The following IMMP2L variants were observed in gnomAD, a reference collection of about 807,000 sequenced individuals.
IMMP2L encodes the protein inner mitochondrial membrane peptidase subunit 2.
Under a neutral mutation model 19.3 loss-of-function variants are expected in IMMP2L, and 18 were observed. The ratio of observed to expected loss-of-function variants is 0.93; its 90% CI spans 0.64 to 1.38. The LOEUF is 1.38. Ranked by LOEUF, IMMP2L falls within the 40% of genes most tolerant of loss-of-function variation. The probability of loss-of-function intolerance (pLI) is 0.00; values close to 1 mark genes in which losing one functional copy is unlikely to be tolerated. For synonymous variants in IMMP2L, 76 were observed against 73.0 expected (o/e 1.04, Z -0.21); for missense variants, 233 against 218.2 (o/e 1.07, Z -0.43).
intron 5 of IMMP2L, among the ~76,000 whole-genome samples, chr7:110,704,879 T>C (rs1794542331): frequency 6.6e-6 from 1 of 152,152 alleles, no homozygotes; most frequent in Admixed American, 6.5e-5. Flanking sequence ...ACTTGGCTAC[T>C]TACCCTCATC....
At chr7:110,897,041 C>T (rs907586756) in intron 4 of IMMP2L, among the ~76,000 whole-genome samples, 3 of 152,090 alleles carry the variant, frequency 2.0e-5, no homozygotes, top group Non-Finnish European at 2.9e-5. Flanking sequence ...CATCCAACTC[C>T]TGGCCTCAAG....
chr7:110,981,465 A>G (rs1821289418), intron 3 of IMMP2L, among the ~76,000 whole-genome samples: 1 of 151,810 alleles, frequency 6.6e-6, no homozygotes, highest in African/African-American at 2.4e-5. Flanking sequence ...AATTATAACT[A>G]TACTCCTGGA....
At chr7:111,220,674 C>T (rs1305185330) in intron 3 of IMMP2L, among the ~76,000 whole-genome samples, 1 of 151,722 alleles carries the variant, frequency 6.6e-6, no homozygotes, top group Non-Finnish European at 1.5e-5. Context: ...TATACACACA[C>T]ATATATTTAC....
intron 3 of IMMP2L, among the ~76,000 whole-genome samples, chr7:111,262,680 T>G (rs960486602): frequency 5.9e-5 from 9 of 152,184 alleles, no homozygotes; most frequent in African/African-American, 2.2e-4. Context: ...GATAATATTT[T>G]CAACAGATAG....
At chr7:111,296,925 A>C (rs1404435535) in intron 3 of IMMP2L, among the ~76,000 whole-genome samples, 1 of 152,024 alleles carries the variant, frequency 6.6e-6, no homozygotes, top group Non-Finnish European at 1.5e-5. Flanking sequence ...TGAGTGAAAA[A>C]GCCAACTTCA....
intron 2 of IMMP2L, among the ~76,000 whole-genome samples, chr7:111,493,626 A>C (rs1399988712): frequency 1.3e-5 from 2 of 151,464 alleles, no homozygotes; most frequent in Non-Finnish European, 2.9e-5. Flanking sequence ...AACGGCGTGA[A>C]CCCGGGAGGC....
At chr7:111,524,862 TTC>T (rs1846689251) in intron 1 of IMMP2L, among the ~76,000 whole-genome samples, 1 of 152,128 alleles carries the variant, frequency 6.6e-6, no homozygotes, top group African/African-American at 2.4e-5. Context: ...CCAGTGGATT[TTC>T]TCTTTGCCCC....
At chr7:111,035,972 G>T (rs1365568645) in intron 3 of IMMP2L, among the ~76,000 whole-genome samples, 2 of 152,122 alleles carry the variant, frequency 1.3e-5, no homozygotes, top group Non-Finnish European at 2.9e-5. Context: ...CAAAGTTATT[G>T]TGAGGATTAG....
At chr7:110,738,800 G>T (rs560236589) in intron 5 of IMMP2L, among the ~76,000 whole-genome samples, 40 of 152,294 alleles carry the variant, frequency 2.6e-4, no homozygotes, top group African/African-American at 9.1e-4. Flanking sequence ...GAAAGAATCT[G>T]AAGATCTGTG....
intron 5 of IMMP2L, among the ~76,000 whole-genome samples, chr7:110,776,931 TTG>T (rs1251302317): frequency 1.3e-5 from 2 of 152,008 alleles, no homozygotes; most frequent in Non-Finnish European, 1.5e-5. Context: ...CCCACTGATT[TTG>T]TGTTTCTTTA....
At chr7:111,339,990 C>A (rs1406993739) in intron 3 of IMMP2L, among the ~76,000 whole-genome samples, 1 of 151,908 alleles carries the variant, frequency 6.6e-6, no homozygotes, top group Non-Finnish European at 1.5e-5. Flanking sequence ...AATATCAATT[C>A]TTTGTAGATC....
chr7:111,364,844 G>A (rs1218018980), intron 3 of IMMP2L, among the ~76,000 whole-genome samples: 6 of 151,024 alleles, frequency 4.0e-5, no homozygotes, highest in East Asian at 2.0e-4. Context: ...GGTGGCAGGC[G>A]CTGTAATCCC....
chr7:111,020,642 G>C (rs571329389), intron 3 of IMMP2L, among the ~76,000 whole-genome samples: 90 of 151,880 alleles, frequency 5.9e-4, no homozygotes, highest in Non-Finnish European at 1.2e-3. Context: ...TGTGCCTGTA[G>C]TTCCAGCTAC....
intron 2 of IMMP2L, among the ~76,000 whole-genome samples, chr7:111,520,084 G>A (rs1846201083): frequency 6.6e-6 from 1 of 152,038 alleles, no homozygotes; most frequent in Non-Finnish European, 1.5e-5. Context: ...AGGAATTCAA[G>A]ATTAAAGAGG....
At chr7:111,358,002 G>T (rs1828884349) in intron 3 of IMMP2L, among the ~76,000 whole-genome samples, 1 of 151,746 alleles carries the variant, frequency 6.6e-6, no homozygotes, top group South Asian at 2.1e-4. Flanking sequence ...GGGCATTCTG[G>T]ACTCTTTTGA....
chr7:111,394,080 T>C (rs974391369), intron 3 of IMMP2L, among the ~76,000 whole-genome samples: 2 of 152,310 alleles, frequency 1.3e-5, no homozygotes, highest in Admixed American at 6.5e-5. Flanking sequence ...AATATAATTT[T>C]TAAAATATTT....
intron 2 of IMMP2L, among the ~76,000 whole-genome samples, chr7:111,493,712 A>G (rs1328156603): frequency 5.4e-5 from 8 of 148,650 alleles, no homozygotes; most frequent in Admixed American, 3.4e-4. Flanking sequence ...CTCAAAAAAA[A>G]AGAAAAAAAC....
chr7:111,023,681 T>C (rs990416639), intron 3 of IMMP2L, among the ~76,000 whole-genome samples: 1 of 152,184 alleles, frequency 6.6e-6, no homozygotes, highest in Non-Finnish European at 1.5e-5. Context: ...CACTCCAGCC[T>C]GGGTAACCAG....
chr7:111,507,541 A>T (rs1489675074), intron 2 of IMMP2L, among the ~76,000 whole-genome samples: 3 of 152,154 alleles, frequency 2.0e-5, no homozygotes, highest in East Asian at 1.9e-4. Context: ...TTTTCTATTA[A>T]CAGTTGTTTG....
Sources: gnomAD v4.1 joint callset for allele counts (sites outside exome capture counted in the v4.1 genomes callset) on GRCh38, gnomAD v4.1.1 for gene constraint, MANE v1.5 for transcripts, NCBI Gene and HGNC (gene_info 2026-07-23, HGNC 2026-07-21) for gene names.